The following TENM2 variants were observed in gnomAD, a reference collection of about 807,000 sequenced individuals.
TENM2 encodes the protein teneurin transmembrane protein 2.
In TENM2, 52 loss-of-function variants were observed where a neutral mutation model predicts 245.2. The ratio of observed to expected loss-of-function variants is 0.21; its 90% CI spans 0.17 to 0.27. TENM2 has a LOEUF of 0.27. TENM2 is among the 10% of genes least tolerant of loss of function. The pLI, the probability that TENM2 is intolerant of heterozygous loss-of-function variation, is 1.00. For missense variants in TENM2, 3,046 were observed against 3,666.8 expected (o/e 0.83, Z 4.37); for synonymous variants, 1,363 against 1,438.9 (o/e 0.95, Z 1.19).
chr5:167,067,965 T>C, the TENM2 span, among the ~76,000 whole-genome samples: 1 of 152,228 alleles, frequency 6.6e-6, no homozygotes, highest in East Asian at 1.9e-4. Context: ...GACATCTTCC[T>C]CCTTCCTCTG....
chr5:167,765,494 G>A (rs6873862), intron 2 of TENM2, among the ~76,000 whole-genome samples: 143,940 of 152,250 alleles, frequency 0.95, 68,259 homozygotes, highest in Middle Eastern at 0.99. Context: ...GTGCCTAAGT[G>A]TTACATCAGT....
At chr5:168,144,994 G>T (rs1218259455) in intron 12 of TENM2, among the ~76,000 whole-genome samples, 1 of 151,726 alleles carries the variant, frequency 6.6e-6, no homozygotes, top group African/African-American at 2.4e-5. Flanking sequence ...AGAAGTGTCT[G>T]TTCATGTCCT....
intron 4 of TENM2, among the ~76,000 whole-genome samples, chr5:167,977,505 C>T (rs1413892963): frequency 1.3e-5 from 2 of 152,034 alleles, no homozygotes; most frequent in Non-Finnish European, 2.9e-5. Flanking sequence ...ATATAAACCC[C>T]ACTAGGCTCT....
intron 2 of TENM2, among the ~76,000 whole-genome samples, chr5:167,850,939 T>C (rs1185886955): frequency 6.6e-6 from 1 of 152,234 alleles, no homozygotes; most frequent in Non-Finnish European, 1.5e-5. Flanking sequence ...AATTTTCTCA[T>C]GTTCATTCAC....
chr5:167,036,345 G>A, the TENM2 span, among the ~76,000 whole-genome samples: 25 of 152,216 alleles, frequency 1.6e-4, no homozygotes, highest in African/African-American at 5.5e-4. Flanking sequence ...GGTAGGTGAG[G>A]ACCACGCTAT....
At chr5:168,126,607 C>T in intron 11 of TENM2, 147 bp from the exon 14 acceptor site, 1 of 633,196 alleles carries the variant, frequency 1.6e-6, no homozygotes, top group Non-Finnish European at 2.8e-6. Flanking sequence ...AATTGATACC[C>T]AGCCAAGGAG....
At chr5:167,070,312 G>GTTTTTTTTTTT in the TENM2 span, among the ~76,000 whole-genome samples, 1 of 53,582 alleles carries the variant, frequency 1.9e-5, no homozygotes, top group South Asian at 4.1e-4. Flanking sequence ...TGTATTTTTA[G>GTTTTTTTTTTT]TAGAGATGGG....
intron 2 of TENM2, among the ~76,000 whole-genome samples, chr5:167,434,840 C>T (rs962277104): frequency 6.6e-5 from 10 of 152,278 alleles, no homozygotes; most frequent in Non-Finnish European, 1.5e-4. Context: ...AAAATACACA[C>T]GTAGTTCAAA....
chr5:166,992,381 G>C, the TENM2 span, among the ~76,000 whole-genome samples: 2 of 152,086 alleles, frequency 1.3e-5, no homozygotes, highest in Non-Finnish European at 2.9e-5. Context: ...ATCTTTGAAG[G>C]CTTAATCTTT....
chr5:167,715,694 TCA>T (rs1759208638), intron 2 of TENM2, among the ~76,000 whole-genome samples: 1 of 152,152 alleles, frequency 6.6e-6, no homozygotes, highest in Non-Finnish European at 1.5e-5. Flanking sequence ...AATGATAAGG[TCA>T]CATTTTCTTT....
At chr5:167,170,779 C>G in the TENM2 span, among the ~76,000 whole-genome samples, 1 of 152,328 alleles carries the variant, frequency 6.6e-6, no homozygotes, top group South Asian at 2.1e-4. Flanking sequence ...AAGTCCACCA[C>G]GAACCTCATA....
intron 2 of TENM2, among the ~76,000 whole-genome samples, chr5:167,868,778 G>C (rs1195710764): frequency 6.6e-6 from 1 of 151,616 alleles, no homozygotes; most frequent in African/African-American, 2.4e-5. Flanking sequence ...TTATTTGTTA[G>C]GGGTCATTTT....
At chr5:168,177,956 C>A (rs1185659338) in intron 13 of TENM2, among the ~76,000 whole-genome samples, 2 of 152,236 alleles carry the variant, frequency 1.3e-5, no homozygotes, top group Admixed American at 6.5e-5. Flanking sequence ...ATTAGTACTT[C>A]CAACTCCTCT....
chr5:167,235,827 G>A, the TENM2 span, among the ~76,000 whole-genome samples: 1 of 152,128 alleles, frequency 6.6e-6, no homozygotes, highest in African/African-American at 2.4e-5. Context: ...TCAGATCAGT[G>A]GAATACTTTG....
At chr5:167,344,775 C>T (rs1758358055) in intron 1 of TENM2, among the ~76,000 whole-genome samples, 1 of 152,036 alleles carries the variant, frequency 6.6e-6, no homozygotes, top group Non-Finnish European at 1.5e-5. Flanking sequence ...TGAGGAGATT[C>T]AGATGTCATA....
In TENM2 at chr5:168,218,193, C is replaced by T. The variant is rs1476621583; in HGVS notation, c.4302C>T (p.Asn1434=). ...ATAACTCCTTGTATGTTCTAGAGAA[C>T]AATGTCATCCTTCGAATCACCGAGA... The change falls in exon 23 of 29, where the codon AAC becomes AAT. Residue 1434 remains asparagine, a synonymous_variant. Coordinates refer to ENST00000518659, the Ensembl canonical transcript of TENM2. The surrounding 1 kb of genome is among the most constrained non-coding windows in gnomAD (Gnocchi z 5.2). 1.2e-6 allele frequency: 2 copies of T among 1,613,934 alleles called. No individual in the cohort carries two copies. Among genetic ancestry groups the T allele is most frequent in the East Asian group, 2.2e-5 (1 of 44,880 alleles).
chr5:167,768,937 C>G (rs1477902772), intron 2 of TENM2, among the ~76,000 whole-genome samples: 1 of 152,178 alleles, frequency 6.6e-6, no homozygotes, highest in African/African-American at 2.4e-5. Context: ...CTCATGGTCA[C>G]TTTCTTCCCC....
At chr5:167,100,127 G>A in the TENM2 span, among the ~76,000 whole-genome samples, 1 of 152,186 alleles carries the variant, frequency 6.6e-6, no homozygotes, top group African/African-American at 2.4e-5. Flanking sequence ...AGATGGCCTT[G>A]TGTTTTCATT....
chr5:168,214,350 C>A (rs951306304), intron 20 of TENM2, among the ~76,000 whole-genome samples: 16 of 152,170 alleles, frequency 1.1e-4, no homozygotes, highest in Non-Finnish European at 2.4e-4. Flanking sequence ...CCTGGCAGAC[C>A]GTGGCTCACG....
Sources: allele counts gnomAD v4.1 joint callset (sites outside exome capture counted in the v4.1 genomes callset), GRCh38; gene constraint gnomAD v4.1.1; non-coding constraint Gnocchi (gnomAD v3.1); transcripts MANE v1.5; gene names NCBI Gene and HGNC (gene_info 2026-07-23, HGNC 2026-07-21).